SSBP3: variants seen among roughly 807,000 people sequenced by gnomAD.
SSBP3 encodes single-stranded DNA-binding protein 3.
SSBP3 carries 5 observed loss-of-function variants against 69.6 expected under a neutral mutation model. The observed-to-expected ratio is 0.07, with a 90% CI of 0.04 to 0.15. The LOEUF is 0.15. Among genes scored for constraint, SSBP3 ranks in the 10% least tolerant of loss-of-function variants. SSBP3 has a pLI of 1.00. For missense variants in SSBP3, 312 were observed against 534.0 expected (o/e 0.58, Z 4.10); for synonymous variants, 196 against 193.4 (o/e 1.01, Z -0.11).
intron 17 of SSBP3, 33 bp from the exon 18 acceptor site, chr1:54,227,193 G>T (rs764258332): frequency 9.2e-7 from 1 of 1,091,008 alleles, no homozygotes; most frequent in Non-Finnish European, 1.4e-6. Flanking sequence ...GGGGGGGGGT[G>T]AGGATTGTGG....
intron 5 of SSBP3, among the ~76,000 whole-genome samples, chr1:54,266,645 C>G (rs1270971222): frequency 6.6e-6 from 1 of 152,206 alleles, no homozygotes; most frequent in Non-Finnish European, 1.5e-5. Flanking sequence ...CCTCACATTT[C>G]TCTTGTAAGA....
At chr1:54,395,332 C>G (rs1279538128) in intron 4 of SSBP3, among the ~76,000 whole-genome samples, 6 of 152,190 alleles carry the variant, frequency 3.9e-5, no homozygotes. Context: ...CCCCCCACAG[C>G]TAACAAGGAC....
chr1:54,242,207 G>A lies in SSBP3; in HGVS notation c.722C>T (p.Pro241Leu), dbSNP rs1644651548. The A allele has an allele frequency of 3.1e-6, 5 of 1,613,614 alleles. No individual in the cohort carries two copies. Among genetic ancestry groups the A allele is most frequent in the East Asian group, 2.2e-5 (1 of 44,868 alleles). ...ATTGGGCCAGGGTCTGCCAGCTCCC[G>A]GGCCCCTGAGAGAGGGAGAAAGAGA... Residue 241 changes from proline to leucine, a missense_variant, in exon 11 of 18, where the codon CCG becomes CTG. Transcript: ENST00000610401.
chr1:54,378,557 TG>T (rs1455900088), intron 4 of SSBP3, among the ~76,000 whole-genome samples: 1 of 152,176 alleles, frequency 6.6e-6, no homozygotes, highest in Admixed American at 6.5e-5. Flanking sequence ...CCTCCAAAGC[TG>T]CTCCCTCGGA....
At chr1:54,283,850 C>T (rs530374704) in intron 4 of SSBP3, among the ~76,000 whole-genome samples, 3 of 152,240 alleles carry the variant, frequency 2.0e-5, no homozygotes, top group South Asian at 2.1e-4. Context: ...GATGGGGCCT[C>T]GTGAGGGAAT....
chr1:54,384,939 G>GT (rs529993153), intron 4 of SSBP3, among the ~76,000 whole-genome samples: 15 of 152,158 alleles, frequency 9.9e-5, no homozygotes, highest in Non-Finnish European at 1.6e-4. Context: ...TGGGCCTCCA[G>GT]TTGTCGACAC....
intron 5 of SSBP3, among the ~76,000 whole-genome samples, chr1:54,274,926 C>T (rs1187929896): frequency 1.3e-5 from 2 of 152,080 alleles, no homozygotes; most frequent in Non-Finnish European, 2.9e-5. Flanking sequence ...CTGGCACACT[C>T]CCCCACCTCA....
intron 9 of SSBP3, among the ~76,000 whole-genome samples, chr1:54,248,973 G>C (rs895454583): frequency 1.3e-5 from 2 of 152,170 alleles, no homozygotes; most frequent in Non-Finnish European, 2.9e-5. Context: ...TCCCGCTGGA[G>C]ACACTCCTAG....
intron 4 of SSBP3, among the ~76,000 whole-genome samples, chr1:54,341,287 C>T (rs540055140): frequency 6.6e-6 from 1 of 152,264 alleles, no homozygotes; most frequent in South Asian, 2.1e-4. Flanking sequence ...TTCTGGGATG[C>T]TGCTAAGCAC....
At chr1:54,353,313 C>T (rs1467819147) in intron 4 of SSBP3, among the ~76,000 whole-genome samples, 1 of 152,218 alleles carries the variant, frequency 6.6e-6, no homozygotes, top group East Asian at 1.9e-4. Context: ...AGGCCAAAAT[C>T]CAAGCTGAAA....
intron 4 of SSBP3, among the ~76,000 whole-genome samples, chr1:54,385,949 C>T (rs1648047600): frequency 6.6e-6 from 1 of 152,164 alleles, no homozygotes; most frequent in Non-Finnish European, 1.5e-5. Flanking sequence ...AAAGTAAAGT[C>T]GCTTCCTTTT....
At chr1:54,285,102 A>G (rs1645464427) in intron 4 of SSBP3, among the ~76,000 whole-genome samples, 1 of 152,246 alleles carries the variant, frequency 6.6e-6, no homozygotes, top group African/African-American at 2.4e-5. Context: ...CTCAAGCAGC[A>G]AAACTAAGTC....
At position 54,352,212 on chromosome 1, in the gene SSBP3, T is replaced by G. The variant is rs1569903584; in HGVS notation, c.276+49649A>C. ...CCCCTCAGTCTGAAGAGCCTTGGGCTAGACACGGCTCAGGGTACATAAAAG... is the reference window on the plus strand; with the variant it reads ...CCCCTCAGTCTGAAGAGCCTTGGGCGAGACACGGCTCAGGGTACATAAAAG... On this transcript the variant is annotated intron_variant, in intron 4 of 17. Transcript: ENST00000610401. 2.3e-5 allele frequency among the ~76,000 whole-genome samples: 3 copies of G among 128,832 alleles called. No homozygotes were observed. The East Asian group carries it at 7.4e-4, about 32-fold the overall frequency. 84.5% of individuals were successfully genotyped at this position (128,832 alleles called of 152,430 possible).
intron 4 of SSBP3, among the ~76,000 whole-genome samples, chr1:54,379,947 T>G (rs541018544): frequency 5.9e-5 from 9 of 152,276 alleles, no homozygotes; most frequent in African/African-American, 1.7e-4. Context: ...ACTCATTTTT[T>G]GGGGCTGGGA....
At position 54,340,575 on chromosome 1, in the gene SSBP3, C is replaced by T. The variant is rs1019532083; in HGVS notation, c.277-59048G>A. Among the ~76,000 whole-genome samples, 14 of 152,216 alleles carry T rather than the reference C, an allele frequency of 9.2e-5. No individual in the cohort carries two copies. In the South Asian group the frequency reaches 2.9e-3, roughly 32 times the overall value. Reference sequence around the variant, plus strand: ...AAATGAGTACACACTTTATTTTTAGCCACGCATGATGGAAAGTTACTCTGG... The same window carrying T: ...AAATGAGTACACACTTTATTTTTAGTCACGCATGATGGAAAGTTACTCTGG... On this transcript the variant is annotated intron_variant, in intron 4 of 17. Coordinates refer to ENST00000610401, the Ensembl canonical transcript of SSBP3.
At chr1:54,318,761 G>GA (rs747748197) in intron 4 of SSBP3, among the ~76,000 whole-genome samples, 12 of 152,102 alleles carry the variant, frequency 7.9e-5, no homozygotes, top group Non-Finnish European at 1.8e-4. Context: ...CCCAAGCCGG[G>GA]AATCTTCCCC....
intron 4 of SSBP3, among the ~76,000 whole-genome samples, chr1:54,284,786 G>T (rs1047529379): frequency 2.0e-5 from 3 of 152,094 alleles, no homozygotes; most frequent in Non-Finnish European, 4.4e-5. Context: ...AAAATTAAAT[G>T]AAAACTTGAA....
chr1:54,388,928 G>A (rs1319004147), intron 4 of SSBP3, among the ~76,000 whole-genome samples: 2 of 152,238 alleles, frequency 1.3e-5, no homozygotes, highest in Non-Finnish European at 2.9e-5. Context: ...GGCCATGCCA[G>A]GACAAAGTGA....
chr1:54,251,531 G>A, intron 9 of SSBP3, 85 bp downstream of exon 9: 1 of 1,379,894 alleles, frequency 7.2e-7, no homozygotes, highest in Non-Finnish European at 1.0e-6. Flanking sequence ...AGAGATGTGG[G>A]AGACTGACAG....
Sources: gnomAD v4.1 joint callset for allele counts (sites outside exome capture counted in the v4.1 genomes callset) on GRCh38, gnomAD v4.1.1 for gene constraint, MANE v1.5 for transcripts, NCBI Gene and HGNC (gene_info 2026-07-23, HGNC 2026-07-21) for gene names.